Variants in ADAMTSL1 observed in about 807,000 individuals in gnomAD.
ADAMTSL1 encodes ADAMTS like 1.
In ADAMTSL1, 126 loss-of-function variants were observed where a neutral mutation model predicts 201.8. That is an observed-to-expected ratio of 0.62 (90% CI 0.54 to 0.72). The LOEUF is 0.72. ADAMTSL1 is among the 30% of genes least tolerant of loss of function. The probability of loss-of-function intolerance (pLI) is 0.00; values close to 1 mark genes in which losing one functional copy is unlikely to be tolerated. For missense variants in ADAMTSL1, 2,679 were observed against 2,277.8 expected, an observed-to-expected ratio of 1.18 and a Z score of -3.59; for synonymous variants, 1,121 against 903.4, an observed-to-expected ratio of 1.24 and a Z score of -4.32.
chr9:18,061,386 A>G (rs527285960), intron 1 of ADAMTSL1, among the ~76,000 whole-genome samples: 2 of 152,296 alleles, frequency 1.3e-5, no homozygotes, highest in East Asian at 3.9e-4. Flanking sequence ...TGCTTCTACC[A>G]CAAACCATAG....
At chr9:18,079,160 AG>A (rs1388029133) in intron 1 of ADAMTSL1, among the ~76,000 whole-genome samples, 1 of 152,158 alleles carries the variant, frequency 6.6e-6, no homozygotes, top group Non-Finnish European at 1.5e-5. Context: ...CTCATTGTCT[AG>A]CAGTTCTCAC....
rs141248152 is a variant in ADAMTSL1 at position 18,222,999 on chromosome 9, T to C, written c.207+59018T>C. ...TCAAGTCTTCTCTTTGTCATTACTT[T>C]GCAGTTTTACTGTGAAGTATCTAGG... On this transcript the variant is annotated intron_variant, in intron 2 of 29. Coordinates refer to the ADAMTSL1 transcript ENST00000680146. Among the ~76,000 whole-genome samples the C allele has an allele frequency of 3.3e-5, 5 of 152,224 alleles. No homozygotes were observed. The East Asian group carries it at 9.6e-4, about 29-fold the overall frequency.
chr9:18,024,983 C>G (rs1228069075), intron 1 of ADAMTSL1, among the ~76,000 whole-genome samples: 1 of 152,012 alleles, frequency 6.6e-6, no homozygotes, highest in Non-Finnish European at 1.5e-5. Context: ...GATGATATCT[C>G]TTTGTGGTTT....
intron 19 of ADAMTSL1, among the ~76,000 whole-genome samples, chr9:18,792,446 G>C (rs571860078): frequency 6.6e-6 from 1 of 152,290 alleles, no homozygotes; most frequent in South Asian, 2.1e-4. Flanking sequence ...GCCTCCTGCT[G>C]CGAGTGTCCA....
intron 1 of ADAMTSL1, among the ~76,000 whole-genome samples, chr9:18,027,507 G>T (rs554294795): frequency 6.6e-6 from 1 of 151,214 alleles, no homozygotes; most frequent in East Asian, 1.9e-4. Flanking sequence ...TTTAGTTTCC[G>T]TGTAATTGTG....
Position 18,777,103 on chromosome 9 carries a change from T to C in ADAMTSL1, c.2874T>C (p.Ile958=), listed in dbSNP as rs1275327049. The C allele has an allele frequency of 1.2e-6, 2 of 1,613,182 alleles. No individual in the cohort carries two copies. Among genetic ancestry groups the C allele is most frequent in the East Asian group, 4.5e-5 (2 of 44,852 alleles). Residue 958 remains isoleucine (I), a synonymous_variant, in exon 19 of 29, where the codon ATT becomes ATC. Coordinates refer to ENST00000380548, the MANE Select transcript of ADAMTSL1 (RefSeq NM_001040272.6). Reference sequence around the variant, plus strand: ...GCCCGGCCCGGGAGCACTTTGTGATTAAGCTCATCGGAGGCAACCGCAAGC... The same window carrying C: ...GCCCGGCCCGGGAGCACTTTGTGATCAAGCTCATCGGAGGCAACCGCAAGC... ...SAGPAREHFV[I]KLIGGNRKLV... is the part of the protein sequence containing the mutation.
intron 2 of ADAMTSL1, among the ~76,000 whole-genome samples, chr9:18,312,488 G>A (rs1284345749): frequency 6.6e-6 from 1 of 152,136 alleles, no homozygotes; most frequent in East Asian, 1.9e-4. Flanking sequence ...ACTGGCCTTG[G>A]CCTTGAACTT....
intron 4 of ADAMTSL1, among the ~76,000 whole-genome samples, chr9:18,577,230 A>G (rs1392661490): frequency 6.6e-6 from 1 of 152,194 alleles, no homozygotes; most frequent in Non-Finnish European, 1.5e-5. Flanking sequence ...TCATGCCTGT[A>G]ATCTGGGCAT....
In ADAMTSL1 at chr9:18,777,808, C is replaced by A. The variant is rs1308514281; in HGVS notation, c.3579C>A (p.Ser1193Arg). Residue 1193 changes from serine (S) to arginine (R), a missense_variant, in exon 19 of 29, where the codon AGC becomes AGA. Physicochemically the swap from Ser to Arg is moderately radical, Grantham distance 110. Coordinates refer to ENST00000380548, the MANE Select transcript of ADAMTSL1 (RefSeq NM_001040272.6). ...TGGGGCAGACGGTGGCCCTGGCCAGCGGGACACTGAGTGTTCTTCTGCACT... is the reference window on the plus strand; with the variant it reads ...TGGGGCAGACGGTGGCCCTGGCCAGAGGGACACTGAGTGTTCTTCTGCACT... Reference protein sequence around the residue: ...THLGQTVALASGTLSVLLHCE... With the variant: ...THLGQTVALARGTLSVLLHCE... 5.0e-6 allele frequency: 8 copies of A among 1,613,536 alleles called. No individual in the cohort carries two copies. Among genetic ancestry groups the A allele is most frequent in the Non-Finnish European group, 6.8e-6 (8 of 1,179,760 alleles).
intron 1 of ADAMTSL1, among the ~76,000 whole-genome samples, chr9:17,981,595 A>G (rs1020939742): frequency 2.6e-5 from 4 of 152,138 alleles, no homozygotes; most frequent in African/African-American, 9.7e-5. Context: ...TCCTTCTTCA[A>G]AGAGATTTTG....
At chr9:18,649,053 A>G (rs1010207119) in intron 7 of ADAMTSL1, among the ~76,000 whole-genome samples, 1 of 152,140 alleles carries the variant, frequency 6.6e-6, no homozygotes, top group African/African-American at 2.4e-5. Context: ...GTCTTTTCAC[A>G]TAGTCCCATA....
intron 15 of ADAMTSL1, among the ~76,000 whole-genome samples, chr9:18,752,270 G>T (rs1819512858): frequency 6.6e-6 from 1 of 152,098 alleles, no homozygotes. Flanking sequence ...CAGAGCAGTA[G>T]GAAAAGATTG....
chr9:18,576,266 G>T (rs1420371310), intron 4 of ADAMTSL1, among the ~76,000 whole-genome samples: 2 of 152,174 alleles, frequency 1.3e-5, no homozygotes, highest in East Asian at 3.9e-4. Flanking sequence ...AACAAAGATT[G>T]CATTTAAGCA....
At chr9:18,672,015 C>T (rs1277654023) in intron 9 of ADAMTSL1, among the ~76,000 whole-genome samples, 1 of 151,668 alleles carries the variant, frequency 6.6e-6, no homozygotes, top group Non-Finnish European at 1.5e-5. Context: ...CCAACCTGGG[C>T]GACAGAGTGA....
intron 1 of ADAMTSL1, among the ~76,000 whole-genome samples, chr9:18,496,306 G>A (rs1451478311): frequency 6.6e-6 from 1 of 152,124 alleles, no homozygotes; most frequent in Non-Finnish European, 1.5e-5. Flanking sequence ...GTAGAAACAA[G>A]AATGTAAAAA....
chr9:18,727,480 C>G (rs1817957278), intron 15 of ADAMTSL1, among the ~76,000 whole-genome samples: 1 of 152,242 alleles, frequency 6.6e-6, no homozygotes, highest in African/African-American at 2.4e-5. Flanking sequence ...CACTGTCTCT[C>G]TGTTTTCTTC....
At chr9:18,328,385 C>T (rs1404317603) in intron 2 of ADAMTSL1, among the ~76,000 whole-genome samples, 2 of 152,224 alleles carry the variant, frequency 1.3e-5, no homozygotes, top group East Asian at 1.9e-4. Context: ...AGGACATGAA[C>T]TGTGACGTAA....
chr9:18,693,703 T>A (rs1308204315), intron 13 of ADAMTSL1, among the ~76,000 whole-genome samples: 1 of 152,230 alleles, frequency 6.6e-6, no homozygotes, highest in Non-Finnish European at 1.5e-5. Context: ...TTTGAAAAAT[T>A]ATTTATTGAG....
At chr9:18,031,204 T>TTTTAATTTAATTA (rs1397747723) in intron 1 of ADAMTSL1, among the ~76,000 whole-genome samples, 11 of 152,224 alleles carry the variant, frequency 7.2e-5, no homozygotes, top group Non-Finnish European at 4.4e-5. Flanking sequence ...CCTTTAGAGG[T>TTTTAATTTAATTA]GAAAAAACAC....
Sources: allele counts gnomAD v4.1 joint callset (sites outside exome capture counted in the v4.1 genomes callset), GRCh38; gene constraint gnomAD v4.1.1; transcripts MANE v1.5; gene names NCBI Gene and HGNC (gene_info 2026-07-23, HGNC 2026-07-21).